The following TRIM66 variants were observed in gnomAD, a reference collection of about 807,000 sequenced individuals.
TRIM66 encodes tripartite motif-containing protein 66.
A neutral mutation model predicts 148.2 loss-of-function variants in TRIM66; 99 were observed. The ratio of observed to expected loss-of-function variants is 0.67; its 90% CI spans 0.57 to 0.79. The LOEUF is 0.79. Ranked by LOEUF, TRIM66 falls within the 30% of genes least tolerant of loss-of-function variation. The pLI is 0.00. For missense variants in TRIM66, 1,666 were observed against 1,697.9 expected, an observed-to-expected ratio of 0.98 and a Z score of 0.33; for synonymous variants, 616 against 635.9, an observed-to-expected ratio of 0.97 and a Z score of 0.47.
chr11:8,633,447 A>C (rs900487654), intron 15 of TRIM66, among the ~76,000 whole-genome samples: 2 of 152,164 alleles, frequency 1.3e-5, no homozygotes, highest in Admixed American at 1.3e-4. Context: ...CAAAAATCTT[A>C]GGTTTGGATG....
intron 15 of TRIM66, among the ~76,000 whole-genome samples, chr11:8,637,233 C>T (rs911266171): frequency 7.2e-5 from 11 of 151,878 alleles, no homozygotes; most frequent in South Asian, 2.1e-4. Flanking sequence ...AGCATGGGAC[C>T]GACTATCTTA....
chr11:8,629,570 T>C (rs188072167), intron 15 of TRIM66, among the ~76,000 whole-genome samples: 2 of 152,272 alleles, frequency 1.3e-5, no homozygotes, highest in African/African-American at 4.8e-5. Context: ...TCGTGGGAAA[T>C]TGGCTCTCCT....
At chr11:8,632,873 G>A (rs2035542589) in intron 15 of TRIM66, among the ~76,000 whole-genome samples, 1 of 152,180 alleles carries the variant, frequency 6.6e-6, no homozygotes, top group South Asian at 2.1e-4. Flanking sequence ...ATGTAACTAT[G>A]CAGATATATG....
At chr11:8,678,118 AC>A (rs1739401342) in intron 3 of TRIM66, 1 of 152,378 alleles carries the variant, frequency 6.6e-6, no homozygotes, top group Admixed American at 6.5e-5. Context: ...AAAATGAATC[AC>A]AAAAATGTTC....
chr11:8,663,653 G>C (rs1456361260), intron 6 of TRIM66, among the ~76,000 whole-genome samples: 2 of 152,018 alleles, frequency 1.3e-5, no homozygotes, highest in African/African-American at 4.8e-5. Context: ...CAAAGAAAAT[G>C]AAATCAGCAT....
intron 15 of TRIM66, among the ~76,000 whole-genome samples, chr11:8,627,543 T>C (rs900374437): frequency 9.8e-5 from 15 of 152,354 alleles, no homozygotes; most frequent in African/African-American, 2.4e-4. Context: ...TAAACCCCAG[T>C]TGTTTCTACT....
intron 15 of TRIM66, among the ~76,000 whole-genome samples, chr11:8,637,069 A>G (rs2035943244): frequency 6.6e-6 from 1 of 152,086 alleles, no homozygotes; most frequent in Non-Finnish European, 1.5e-5. Flanking sequence ...TCAAAATTTC[A>G]GCTTAAAATA....
intron 10 of TRIM66, among the ~76,000 whole-genome samples, chr11:8,647,618 C>T (rs1256441988): frequency 6.6e-6 from 1 of 152,132 alleles, no homozygotes; most frequent in East Asian, 1.9e-4. Flanking sequence ...GCACAGATTG[C>T]CCCTGGTTTG....
chr11:8,627,743 T>C lies in TRIM66; in HGVS notation c.2311-2515A>G, dbSNP rs184340979. 3.4e-3 allele frequency among the ~76,000 whole-genome samples: 518 copies of C among 152,376 alleles called. 2 individuals carry two copies. Among genetic ancestry groups the C allele is most frequent in the African/African-American group, 0.012 (501 of 41,596 alleles). On this transcript the variant is annotated intron_variant, in intron 15 of 24. Transcript: ENST00000646038. ...ACAATTGATTTTTGAATACTGACTT[T>C]GTATAGACCTTGCTAAAGTCACTCT...
At chr11:8,670,794 A>G (rs980674329) in intron 6 of TRIM66, among the ~76,000 whole-genome samples, 8 of 152,252 alleles carry the variant, frequency 5.3e-5, no homozygotes, top group Non-Finnish European at 1.2e-4. Flanking sequence ...AATAGATCGT[A>G]TCTTTCCTGT....
At chr11:8,666,341 GAAAAAAAAAAAAAAAA>G (rs558326812) in intron 6 of TRIM66, among the ~76,000 whole-genome samples, 2 of 23,552 alleles carry the variant, frequency 8.5e-5, no homozygotes, top group Non-Finnish European at 1.3e-4. Flanking sequence ...CTCCGCCTCA[GAAAAAAAAAAAAAAAA>G]AAAAAAAAAA....
chr11:8,656,301 T>A (rs747797476), intron 6 of TRIM66, among the ~76,000 whole-genome samples: 38 of 152,258 alleles, frequency 2.5e-4, no homozygotes, highest in Non-Finnish European at 4.6e-4. Flanking sequence ...TAAATCACAC[T>A]GCACATAAAA....
At chr11:8,651,328 A>T (rs2037339617) in intron 7 of TRIM66, among the ~76,000 whole-genome samples, 1 of 152,152 alleles carries the variant, frequency 6.6e-6, no homozygotes, top group Admixed American at 6.5e-5. Flanking sequence ...GCCGGCCAAT[A>T]AGTGATAAAA....
intron 15 of TRIM66, among the ~76,000 whole-genome samples, chr11:8,631,161 T>G (rs1592056795): frequency 1.3e-5 from 2 of 152,236 alleles, no homozygotes; most frequent in Admixed American, 6.5e-5. Context: ...ACTAGGAATC[T>G]GGGACCAGCC....
chr11:8,644,312 G>A lies in TRIM66; in HGVS notation c.1105-1186C>T, dbSNP rs564760015. ...TTATGAATTTCAGCAGCACCCCTCA[G>A]CCCTTTCTCTTGTCACTTCTTTTCT... On this transcript the variant is annotated intron_variant, in intron 12 of 24. Transcript: ENST00000646038. The A allele has an allele frequency of 1.1e-3, 443 of 410,822 alleles. 5 individuals carry two copies. In the Middle Eastern group the frequency reaches 0.013, roughly 12 times the overall value. 25.4% of individuals were successfully genotyped at this position (410,822 alleles called of 1,614,324 possible).
chr11:8,670,332 C>T (rs1381971726), intron 6 of TRIM66, among the ~76,000 whole-genome samples: 2 of 151,998 alleles, frequency 1.3e-5, no homozygotes, highest in African/African-American at 2.4e-5. Flanking sequence ...TTTTTTGACC[C>T]TCACTCTCCT....
chr11:8,624,236 C>A, intron 17 of TRIM66, 123 bp downstream of exon 17: 1 of 1,118,548 alleles, frequency 8.9e-7, no homozygotes, highest in South Asian at 1.6e-5. Context: ...GTAAATTCAG[C>A]CTCAGAGAGA....
Position 8,624,385 on chromosome 11 carries a change from G to A in TRIM66, c.2993C>T (p.Ala998Val). The A allele has an allele frequency of 6.4e-7, 1 of 1,551,552 alleles. No individual in the cohort carries two copies. The highest frequency in any genetic ancestry group is 8.7e-7 in the Non-Finnish European group (1 of 1,146,962). ...PLAPVVSTST[A>V]LQQYQNPKEC... The stretch of plus-strand genomic sequence containing the variant: ...TTTTGGGTTCTGGTACTGCTGCAGA[G>A]CTGTAGACGTGCTGACCACTGGCGC... Residue 998 changes from alanine (A) to valine (V), a missense_variant, in exon 17 of 25, where the codon GCT (alanine) becomes GTT (valine). Transcript: ENST00000646038.
intron 15 of TRIM66, among the ~76,000 whole-genome samples, chr11:8,625,896 C>T (rs1303201829): frequency 6.6e-6 from 1 of 152,170 alleles, no homozygotes; most frequent in African/African-American, 2.4e-5. Flanking sequence ...TTGATGTAGG[C>T]TTTAACCAAG....
Sources: gnomAD v4.1 joint callset for allele counts (sites outside exome capture counted in the v4.1 genomes callset) on GRCh38, gnomAD v4.1.1 for gene constraint, MANE v1.5 for transcripts, NCBI Gene and HGNC (gene_info 2026-07-23, HGNC 2026-07-21) for gene names.